The following C7orf57 variants were observed in gnomAD, a reference collection of about 807,000 sequenced individuals.
C7orf57 encodes chromosome 7 open reading frame 57, also known as uncharacterized protein C7orf57.
In C7orf57, 33 loss-of-function variants were observed where a neutral mutation model predicts 39.0. The ratio of observed to expected loss-of-function variants is 0.85; its 90% confidence interval spans 0.64 to 1.13. The LOEUF is 1.13. Ranked by LOEUF, C7orf57 falls within the 50% of genes most tolerant of loss-of-function variation. C7orf57 has a pLI of 0.00. For synonymous variants in C7orf57, 124 were observed against 137.1 expected, an observed-to-expected ratio of 0.90 and a Z score of 0.67; for missense variants, 346 against 362.3, an observed-to-expected ratio of 0.95 and a Z score of 0.37.
chr7:48,044,781 A>G (rs905752875), intron 4 of C7orf57, among the ~76,000 whole-genome samples: 1 of 152,218 alleles, frequency 6.6e-6, no homozygotes, highest in African/African-American at 2.4e-5. Context: ...TCGTTCCCAT[A>G]ATATTTGAAA....
At chr7:48,044,612 C>G (rs556553537) in intron 4 of C7orf57, among the ~76,000 whole-genome samples, 380 of 152,288 alleles carry the variant, frequency 2.5e-3, no homozygotes, top group Middle Eastern at 6.8e-3. Context: ...CTAGGAAATC[C>G]AGCTAGTCCT....
At chr7:48,045,407 T>C (rs1292098430) in intron 4 of C7orf57, among the ~76,000 whole-genome samples, 1 of 152,140 alleles carries the variant, frequency 6.6e-6, no homozygotes, top group African/African-American at 2.4e-5. Flanking sequence ...CCTGAGCAGC[T>C]CAGCCACACT....
intron 2 of C7orf57, among the ~76,000 whole-genome samples, 191 bp downstream of exon 2, chr7:48,036,554 T>C (rs1394579478): frequency 2.0e-5 from 3 of 152,180 alleles, no homozygotes; most frequent in African/African-American, 7.2e-5. Context: ...AAATCAAGAC[T>C]TAAATATGAG....
At chr7:48,051,820 T>TTCTC (rs1229018134) in intron 6 of C7orf57, among the ~76,000 whole-genome samples, 2 of 13,492 alleles carry the variant, frequency 1.5e-4, no homozygotes, top group African/African-American at 7.2e-4. Context: ...TTCTCTTCTC[T>TTCTC]TTCTTTCTTT....
intron 4 of C7orf57, among the ~76,000 whole-genome samples, chr7:48,044,165 G>T (rs948595114): frequency 1.3e-5 from 2 of 152,186 alleles, no homozygotes; most frequent in Non-Finnish European, 2.9e-5. Flanking sequence ...TGCCTCCCTG[G>T]ATCAGAAGTG....
At chr7:48,040,652 A>C (rs1790521034) in intron 2 of C7orf57, among the ~76,000 whole-genome samples, 2 of 152,108 alleles carry the variant, frequency 1.3e-5, no homozygotes, top group African/African-American at 2.4e-5. Flanking sequence ...ATGAATTCTC[A>C]TGTGGGGAGT....
At chr7:48,037,768 T>TGC (rs71298786) in intron 2 of C7orf57, among the ~76,000 whole-genome samples, 112 of 150,444 alleles carry the variant, frequency 7.4e-4, no homozygotes, top group East Asian at 1.4e-3. Context: ...TGTGTGTGTG[T>TGC]GCGCGCGCGT....
rs1274375783 is a variant in C7orf57 at position 48,051,835 on chromosome 7, C to CTTTCTTTCTT, written c.606-863_606-854dup. On this transcript the variant is annotated intron_variant, in intron 6 of 8. Transcript: ENST00000348904. ...TTCTCTTCTCTTTCTTTCTTTCTTTCTTTCTTTCTTTCTTTCTTTCTTTCT... is the reference window on the plus strand; with the variant it reads ...TTCTCTTCTCTTTCTTTCTTTCTTTCTTTCTTTCTTTTTCTTTCTTTCTTTCTTTCTTTCT... Among the ~76,000 whole-genome samples, 7 of 50,184 alleles carry CTTTCTTTCTT rather than the reference C, an allele frequency of 1.4e-4. 1 individual carries two copies. The South Asian group carries it at 4.8e-3, about 34-fold the overall frequency. 32.9% of individuals were successfully genotyped at this position (50,184 alleles called of 152,430 possible). A position where few individuals can be genotyped will look rare whatever the true frequency, so the allele number is the denominator to read the frequency against.
chr7:48,045,824 G>A (rs2708855), intron 4 of C7orf57, among the ~76,000 whole-genome samples: 131,256 of 152,072 alleles, frequency 0.86, 57,104 homozygotes, highest in Non-Finnish European at 0.93. Flanking sequence ...CCCCTCCTGT[G>A]TGCGCTGCCT....
rs1372491437 is a variant in C7orf57 at position 48,054,597 on chromosome 7, T to A, written c.832T>A (p.Ser278Thr). The change falls in exon 8 of 9, where the codon TCT (serine) becomes ACT (threonine). Residue 278 changes from serine (S) to threonine (T), a missense_variant and splice_region_variant. Physicochemically the swap from Ser to Thr is moderately conservative, Grantham distance 58. Coordinates refer to ENST00000348904, the MANE Select transcript of C7orf57 (RefSeq NM_001100159.3). The stretch of plus-strand genomic sequence containing the variant: ...AACGAATGTACTTTTTATTACAGAG[T>A]CTTCTCAAAGTGAGTACTTATAAAG... ...ASEGPEDTPE[S>T]SQSPEESVSA... 1 of 1,549,126 alleles carries A rather than the reference T, an allele frequency of 6.5e-7. No individual in the cohort carries two copies. Among genetic ancestry groups the A allele is most frequent in the East Asian group, 2.4e-5 (1 of 40,988 alleles).
chr7:48,048,600 A>G (rs1790783426), intron 5 of C7orf57, among the ~76,000 whole-genome samples: 1 of 152,116 alleles, frequency 6.6e-6, no homozygotes, highest in African/African-American at 2.4e-5. Flanking sequence ...ATAAGAAACA[A>G]TTTAGGTAGA....
At chr7:48,040,719 C>A (rs889114473) in intron 2 of C7orf57, among the ~76,000 whole-genome samples, 2 of 152,098 alleles carry the variant, frequency 1.3e-5, no homozygotes, top group Non-Finnish European at 2.9e-5. Flanking sequence ...AGAGAGGCTG[C>A]CGAGCTGATT....
At chr7:48,042,973 G>A (rs1790594858) in intron 3 of C7orf57, among the ~76,000 whole-genome samples, 2 of 152,162 alleles carry the variant, frequency 1.3e-5, no homozygotes, top group African/African-American at 4.8e-5. Flanking sequence ...CCTTTCAGGG[G>A]CTTGTATCCT....
intron 8 of C7orf57, among the ~76,000 whole-genome samples, chr7:48,054,940 G>C (rs918572695): frequency 6.6e-6 from 1 of 151,944 alleles, no homozygotes; most frequent in Non-Finnish European, 1.5e-5. Flanking sequence ...GCAGTGGCGC[G>C]ATCTCCGCTC....
In C7orf57 at chr7:48,051,726, C is replaced by T. The variant is rs1057143853; in HGVS notation, c.606-974C>T. 6.5e-4 allele frequency among the ~76,000 whole-genome samples: 63 copies of T among 97,402 alleles called. 8 individuals carry two copies. The highest frequency in any genetic ancestry group is 1.7e-3 in the East Asian group (6 of 3,624). 63.9% of individuals were successfully genotyped at this position (97,402 alleles called of 152,430 possible). Reference sequence around the variant, plus strand: ...CTCTCTCTCTCTCCTTTCTTTCTTTCTCTTTTTCTTTTCTTTCTTTTTCTT... The same window carrying T: ...CTCTCTCTCTCTCCTTTCTTTCTTTTTCTTTTTCTTTTCTTTCTTTTTCTT... On this transcript the variant is annotated intron_variant, in intron 6 of 8. Coordinates refer to ENST00000348904, the MANE Select transcript of C7orf57 (RefSeq NM_001100159.3).
In C7orf57 at chr7:48,060,395, A is replaced by G; in HGVS notation, c.*123A>G. On this transcript the variant is annotated 3_prime_UTR_variant, in exon 9 of 9. Coordinates refer to ENST00000348904, the MANE Select transcript of C7orf57 (RefSeq NM_001100159.3). Reference sequence around the variant, plus strand: ...AATATAGACTCTCATTGAATAATTTACCTTGCAGCAGATTTGACATTGCTG... The same window carrying G: ...AATATAGACTCTCATTGAATAATTTGCCTTGCAGCAGATTTGACATTGCTG... 1.8e-6 allele frequency: 1 copy of G among 567,810 alleles called. No individual in the cohort carries two copies. 35.2% of individuals were successfully genotyped at this position (567,810 alleles called of 1,614,324 possible). A position where few individuals can be genotyped will look rare whatever the true frequency, so the allele number is the denominator to read the frequency against.
At chr7:48,058,624 G>T (rs1488947711) in intron 8 of C7orf57, among the ~76,000 whole-genome samples, 1 of 151,112 alleles carries the variant, frequency 6.6e-6, no homozygotes, top group African/African-American at 2.4e-5. Flanking sequence ...TGTCAATTTT[G>T]TTTATAATAA....
At chr7:48,041,768 C>T in intron 3 of C7orf57, 1 of 268,656 alleles carries the variant, frequency 3.7e-6, no homozygotes, top group Non-Finnish European at 6.9e-6. Flanking sequence ...CTGAGTAATG[C>T]CTTTGCGATG....
chr7:48,046,649 A>G (rs774651263), intron 5 of C7orf57, 33 bp downstream of exon 5: 2 of 1,594,616 alleles, frequency 1.3e-6, no homozygotes, highest in Non-Finnish European at 8.5e-7. Context: ...CGGCATCCGC[A>G]TCCGCTTTGC....
Sources: gnomAD v4.1 joint callset for allele counts (sites outside exome capture counted in the v4.1 genomes callset) on GRCh38, gnomAD v4.1.1 for gene constraint, MANE v1.5 for transcripts, NCBI Gene and HGNC (gene_info 2026-07-23, HGNC 2026-07-21) for gene names.